The following ZBTB20 variants were observed in gnomAD, a reference collection of about 807,000 sequenced individuals.
ZBTB20 encodes the protein zinc finger and BTB domain containing 20.
Under a neutral mutation model 56.9 loss-of-function variants are expected in ZBTB20, and 9 were observed. The observed-to-expected ratio is 0.16, with a 90% CI of 0.10 to 0.28. The LOEUF is 0.28. ZBTB20 is among the 10% of genes least tolerant of loss of function. ZBTB20 has a pLI of 1.00. For synonymous variants in ZBTB20, 417 were observed against 420.7 expected, an observed-to-expected ratio of 0.99 and a Z score of 0.11; for missense variants, 655 against 1,003.0, an observed-to-expected ratio of 0.65 and a Z score of 4.69.
intron 6 of ZBTB20, among the ~76,000 whole-genome samples, chr3:114,615,750 T>C (rs754111475): frequency 7.9e-5 from 12 of 152,216 alleles, no homozygotes; most frequent in Non-Finnish European, 1.5e-4. Flanking sequence ...TGAGTATTTA[T>C]AGACACAAAG....
intron 1 of ZBTB20, among the ~76,000 whole-genome samples, chr3:115,074,785 G>A (rs149012950): frequency 7.2e-5 from 11 of 152,190 alleles, no homozygotes; most frequent in African/African-American, 2.6e-4. Context: ...GTTTTATCTA[G>A]GGTCACACTA....
At chr3:114,356,034 C>G (rs936147295) in intron 10 of ZBTB20, 1 of 152,204 alleles carries the variant, frequency 6.6e-6, no homozygotes, top group Admixed American at 6.5e-5. Context: ...AAAATAATAA[C>G]TTACCTCCTT....
intron 7 of ZBTB20, among the ~76,000 whole-genome samples, chr3:114,448,035 C>T (rs1369580331): frequency 6.6e-6 from 1 of 152,070 alleles, no homozygotes; most frequent in Admixed American, 6.6e-5. Context: ...GAAGAGAAAG[C>T]TACAGAAAGA....
intron 7 of ZBTB20, chr3:114,445,427 A>G (rs2091210593): frequency 1.3e-5 from 2 of 152,086 alleles, no homozygotes; most frequent in Admixed American, 1.3e-4. Flanking sequence ...CACTGAGTTC[A>G]CTCTTACTGA....
At chr3:114,502,428 T>G (rs2044102751) in intron 6 of ZBTB20, among the ~76,000 whole-genome samples, 2 of 152,304 alleles carry the variant, frequency 1.3e-5, no homozygotes, top group South Asian at 2.1e-4. Flanking sequence ...TACATGCAGG[T>G]GTACTTGATG....
intron 10 of ZBTB20, among the ~76,000 whole-genome samples, chr3:114,370,857 T>C (rs1476511167): frequency 6.6e-6 from 1 of 152,200 alleles, no homozygotes; most frequent in Non-Finnish European, 1.5e-5. Flanking sequence ...CTTTTCATCT[T>C]TACTTGATAC....
chr3:114,315,568 AGTGT>A lies in ZBTB20; in HGVS notation c.*23433_*23436del, dbSNP rs60383315. 6.5e-3 allele frequency: 957 copies of A among 147,710 alleles called. 9 individuals carry two copies. Among genetic ancestry groups the A allele is most frequent in the African/African-American group, 0.019 (768 of 39,870 alleles). 9.1% of individuals were successfully genotyped at this position (147,710 alleles called of 1,614,324 possible). A position where few individuals can be genotyped will look rare whatever the true frequency, so the allele number is the denominator to read the frequency against. ...GTGTGTATTTTAGGTCTAAACATACAGTGTGTGTGTGTGTGTGTGTGTGTGTGTG... is the reference window on the plus strand; with the variant it reads ...GTGTGTATTTTAGGTCTAAACATACAGTGTGTGTGTGTGTGTGTGTGTGTG... On this transcript the variant is annotated 3_prime_UTR_variant, in exon 12 of 12. Coordinates refer to ENST00000675478, the MANE Select transcript of ZBTB20 (RefSeq NM_001348800.3).
intron 5 of ZBTB20, among the ~76,000 whole-genome samples, chr3:114,793,030 C>T (rs570822649): frequency 3.0e-4 from 46 of 152,036 alleles, no homozygotes; most frequent in African/African-American, 1.1e-3. Context: ...AACCTGCCAC[C>T]ATCCCCAGCT....
At chr3:114,450,958 C>G (rs187563553) in intron 7 of ZBTB20, among the ~76,000 whole-genome samples, 2 of 152,002 alleles carry the variant, frequency 1.3e-5, no homozygotes, top group African/African-American at 4.8e-5. Flanking sequence ...ATGCCTGTTT[C>G]GTTCCTGGTT....
intron 5 of ZBTB20, among the ~76,000 whole-genome samples, chr3:114,763,980 AAGAC>A (rs1386022342): frequency 9.2e-5 from 14 of 152,312 alleles, no homozygotes; most frequent in South Asian, 2.1e-4. Flanking sequence ...AGACTATTAA[AAGAC>A]AGGGAGCAGG....
intron 3 of ZBTB20, among the ~76,000 whole-genome samples, chr3:114,940,546 C>G (rs1321701880): frequency 6.8e-6 from 1 of 146,102 alleles, no homozygotes; most frequent in Non-Finnish European, 1.5e-5. Context: ...GAAGGACATT[C>G]TGATATAATG....
chr3:114,576,358 C>A (rs2107424767), intron 6 of ZBTB20, among the ~76,000 whole-genome samples: 1 of 151,260 alleles, frequency 6.6e-6, no homozygotes, highest in East Asian at 1.9e-4. Context: ...AGAAATTAGC[C>A]AGGCGTGGTG....
At chr3:114,885,233 C>T (rs2076555795) in intron 4 of ZBTB20, among the ~76,000 whole-genome samples, 2 of 152,310 alleles carry the variant, frequency 1.3e-5, no homozygotes, top group South Asian at 2.1e-4. Flanking sequence ...ACACACAAAC[C>T]TTGGATGCAC....
intron 7 of ZBTB20, among the ~76,000 whole-genome samples, chr3:114,453,989 C>T (rs1443645123): frequency 2.8e-5 from 4 of 143,602 alleles, no homozygotes; most frequent in East Asian, 4.5e-4. Context: ...GAAAAATCCC[C>T]GGGCAGCTAC....
rs1348619246 is a variant in ZBTB20 at position 114,340,622 on chromosome 3, TC to T, written c.1805-1197del. 2.0e-5 allele frequency among the ~76,000 whole-genome samples: 3 copies of T among 152,302 alleles called. No homozygotes were observed. The East Asian group carries it at 5.8e-4, about 29-fold the overall frequency. On this transcript the variant is annotated intron_variant, in intron 11 of 11. Coordinates refer to ENST00000675478, the MANE Select transcript of ZBTB20 (RefSeq NM_001348800.3). The stretch of plus-strand genomic sequence containing the variant: ...AAGATGATTACTTAAAGACTTGTTT[TC>T]TTTGTGCTGTTTGTTCTCAGCTCTG...
intron 6 of ZBTB20, among the ~76,000 whole-genome samples, chr3:114,503,885 G>T (rs1319674673): frequency 6.6e-6 from 1 of 152,038 alleles, no homozygotes; most frequent in Non-Finnish European, 1.5e-5. Context: ...CTACAGCAGT[G>T]GTTTTCAACA....
chr3:114,624,414 G>A (rs774037833), intron 6 of ZBTB20, among the ~76,000 whole-genome samples: 10 of 149,424 alleles, frequency 6.7e-5, no homozygotes, highest in East Asian at 1.9e-4. Flanking sequence ...ATTGTCTCCC[G>A]ACGGAAAACT....
At chr3:115,098,954 C>A (rs2083478822) in intron 1 of ZBTB20, among the ~76,000 whole-genome samples, 1 of 152,150 alleles carries the variant, frequency 6.6e-6, no homozygotes, top group African/African-American at 2.4e-5. Context: ...TCTGTATATG[C>A]CGAAACATTT....
chr3:114,442,169 T>C (rs1408898083), intron 7 of ZBTB20, among the ~76,000 whole-genome samples: 3 of 152,128 alleles, frequency 2.0e-5, no homozygotes, highest in African/African-American at 2.4e-5. Context: ...CAAGAGGCAA[T>C]ACCAAGTTCT....
Sources: allele counts gnomAD v4.1 joint callset (sites outside exome capture counted in the v4.1 genomes callset), GRCh38; gene constraint gnomAD v4.1.1; transcripts MANE v1.5; gene names NCBI Gene and HGNC (gene_info 2026-07-23, HGNC 2026-07-21).